PKIG: variants seen among roughly 807,000 people sequenced by gnomAD.
PKIG encodes protein kinase (cAMP-dependent, catalytic) inhibitor gamma.
A neutral mutation model predicts 6.8 loss-of-function variants in PKIG; 1 was observed. The observed-to-expected ratio is 0.15, with a 90% CI of 0.05 to 0.69. The LOEUF (loss-of-function observed/expected upper bound fraction) is 0.69, where lower values mean the gene tolerates loss of function less well. Among genes scored for constraint, PKIG ranks in the 30% least tolerant of loss-of-function variants. The pLI is 0.82. For missense variants in PKIG, 77 were observed against 104.0 expected (o/e 0.74, Z 1.13); for synonymous variants, 39 against 43.0 (o/e 0.91, Z 0.36).
In PKIG at chr20:44,564,888, T is replaced by C. The variant is rs1429336937; in HGVS notation, c.-240-17697T>C. On this transcript the variant is annotated intron_variant, in intron 1 of 4. Coordinates refer to the PKIG transcript ENST00000372887. ...TCATGATTTCACATTCCTATCATTGTTCCAGACATGTATAAACCTCTCAGA... is the reference window on the plus strand; with the variant it reads ...TCATGATTTCACATTCCTATCATTGCTCCAGACATGTATAAACCTCTCAGA... Among the ~76,000 whole-genome samples the C allele has an allele frequency of 3.9e-5, 6 of 152,248 alleles. No homozygotes were observed. In the South Asian group the frequency reaches 1.0e-3, roughly 26 times the overall value.
intron 1 of PKIG, among the ~76,000 whole-genome samples, chr20:44,565,386 T>G (rs1467733651): frequency 6.6e-6 from 1 of 152,230 alleles, no homozygotes; most frequent in African/African-American, 2.4e-5. Flanking sequence ...ACAACAAAAT[T>G]CACTGTAGTT....
chr20:44,597,092 G>T (rs1194518961), intron 2 of PKIG, among the ~76,000 whole-genome samples: 1 of 152,132 alleles, frequency 6.6e-6, no homozygotes, highest in Non-Finnish European at 1.5e-5. Context: ...CTCATCATGT[G>T]TGTGGGCTGT....
At chr20:44,617,907 A>G (rs145762424) in intron 3 of PKIG, among the ~76,000 whole-genome samples, 6 of 151,460 alleles carry the variant, frequency 4.0e-5, no homozygotes, top group Non-Finnish European at 7.4e-5. Context: ...TAAAAAAAAA[A>G]CAAACAAACA....
At chr20:44,573,565 A>G (rs779545152) in intron 1 of PKIG, among the ~76,000 whole-genome samples, 1 of 152,244 alleles carries the variant, frequency 6.6e-6, no homozygotes, top group Non-Finnish European at 1.5e-5. Flanking sequence ...TTTCTGGACT[A>G]TACCGAACAA....
chr20:44,544,192 T>C (rs1382747843), intron 1 of PKIG, among the ~76,000 whole-genome samples: 2 of 152,206 alleles, frequency 1.3e-5, no homozygotes, highest in Non-Finnish European at 2.9e-5. Flanking sequence ...TTTTTGTTAG[T>C]AGGGCAATGT....
intron 1 of PKIG, among the ~76,000 whole-genome samples, chr20:44,587,345 G>C (rs2064998192): frequency 6.6e-6 from 1 of 152,174 alleles, no homozygotes; most frequent in South Asian, 2.1e-4. Flanking sequence ...CCTGGCTCTG[G>C]GAGCTTTGCC....
intron 1 of PKIG, among the ~76,000 whole-genome samples, chr20:44,583,072 T>C (rs1240036438): frequency 6.6e-6 from 1 of 152,228 alleles, no homozygotes; most frequent in Admixed American, 6.5e-5. Flanking sequence ...TGTAAAACCC[T>C]TTCTTTTTTT....
intron 1 of PKIG, among the ~76,000 whole-genome samples, chr20:44,548,648 T>G (rs2064638265): frequency 1.3e-5 from 2 of 152,108 alleles, no homozygotes; most frequent in Non-Finnish European, 2.9e-5. Flanking sequence ...AACAGCATCT[T>G]TATTTGTCTA....
chr20:44,570,384 C>G (rs2064844354), intron 1 of PKIG, among the ~76,000 whole-genome samples: 1 of 152,196 alleles, frequency 6.6e-6, no homozygotes, highest in African/African-American at 2.4e-5. Flanking sequence ...ATTTCCACAA[C>G]TAGGATGGTT....
intron 1 of PKIG, among the ~76,000 whole-genome samples, chr20:44,574,656 C>A (rs566807205): frequency 6.6e-6 from 1 of 152,122 alleles, no homozygotes; most frequent in Non-Finnish European, 1.5e-5. Flanking sequence ...TCACTGCTAC[C>A]TCCACCTCCC....
chr20:44,549,655 T>C (rs901673316), intron 1 of PKIG, among the ~76,000 whole-genome samples: 12 of 152,044 alleles, frequency 7.9e-5, no homozygotes, highest in Admixed American at 2.0e-4. Flanking sequence ...TAAAACCCCA[T>C]CTCTACGAAA....
intron 3 of PKIG, among the ~76,000 whole-genome samples, chr20:44,617,540 G>A (rs113524273): frequency 0.019 from 2,869 of 152,164 alleles, 91 homozygotes; most frequent in African/African-American, 0.066. Flanking sequence ...AAAGTGAGGA[G>A]ACTTGGCTTG....
Position 44,614,496 on chromosome 20 carries a change from T to C in PKIG, c.-23-38T>C, listed in dbSNP as rs2065245933. 6.6e-7 allele frequency: 1 copy of C among 1,525,468 alleles called. No homozygotes were observed. The highest frequency in any genetic ancestry group is 9.0e-7 in the Non-Finnish European group (1 of 1,106,984). The allele number at this position is 1,525,468 out of a possible 1,614,324, so 94.5% of individuals were successfully genotyped here. ...AGCTGTCCTCTCTGCAGAATGCATC[T>C]GGACTTACCTCTGCCCCCTTGCCTT... On this transcript the variant is annotated intron_variant, in intron 2 of 3. Coordinates refer to ENST00000372886, the MANE Select transcript of PKIG (RefSeq NM_001281445.2). The surrounding 1 kb of genome is among the most constrained non-coding windows in gnomAD (Gnocchi z 4.6).
chr20:44,578,981 G>C (rs964574555), upstream of PKIG, among the ~76,000 whole-genome samples: 6 of 152,110 alleles, frequency 3.9e-5, no homozygotes, highest in African/African-American at 1.4e-4. Flanking sequence ...AAACCAGCCT[G>C]GGCGTATGGT....
chr20:44,536,912 G>GTT (rs1600832241), intron 1 of PKIG, among the ~76,000 whole-genome samples: 1 of 152,052 alleles, frequency 6.6e-6, no homozygotes, highest in East Asian at 1.9e-4. Context: ...TTTAGTGTGT[G>GTT]TTTTTTTGTT....
chr20:44,613,410 A>C (rs1470268744), intron 2 of PKIG, among the ~76,000 whole-genome samples: 3 of 151,992 alleles, frequency 2.0e-5, no homozygotes, highest in Non-Finnish European at 2.9e-5. Context: ...CTAATTTCAT[A>C]TCTTTCCTCC....
intron 1 of PKIG, among the ~76,000 whole-genome samples, chr20:44,545,581 G>C (rs1248164618): frequency 6.6e-6 from 1 of 152,158 alleles, no homozygotes; most frequent in Non-Finnish European, 1.5e-5. Flanking sequence ...CTAGCACTGG[G>C]AGGCTGAGGC....
chr20:44,611,511 C>T (rs1198484216), intron 2 of PKIG, among the ~76,000 whole-genome samples: 1 of 151,296 alleles, frequency 6.6e-6, no homozygotes, highest in African/African-American at 2.4e-5. Flanking sequence ...TTCTCTCCTT[C>T]TATATCAACT....
rs2098912873 is a variant in PKIG, at chr20:44,614,104, T to G, written c.-23-430T>G. Among the ~76,000 whole-genome samples, 1 of 152,134 alleles carries G rather than the reference T, an allele frequency of 6.6e-6. No individual in the cohort carries two copies. The highest frequency in any genetic ancestry group is 2.1e-4 in the South Asian group (1 of 4,826). ...GCCTTGATCAGGTCCCAGTGATCAC[T>G]CCAGCACCCTGCATTCTCCCTTGAA... On this transcript the variant is annotated intron_variant, in intron 2 of 3. Transcript: ENST00000372886. The surrounding 1 kb of genome is among the most constrained non-coding windows in gnomAD (Gnocchi z 4.6).
Sources: allele counts gnomAD v4.1 joint callset (sites outside exome capture counted in the v4.1 genomes callset), GRCh38; gene constraint gnomAD v4.1.1; non-coding constraint Gnocchi (gnomAD v3.1); transcripts MANE v1.5; gene names NCBI Gene and HGNC (gene_info 2026-07-23, HGNC 2026-07-21).